Variants in CYP7B1 observed in about 807,000 individuals in gnomAD.
CYP7B1 encodes the protein cytochrome P450 7B1.
Under a neutral mutation model 42.7 loss-of-function variants are expected in CYP7B1, and 29 were observed. That is an observed-to-expected ratio of 0.68 (90% confidence interval 0.51 to 0.93). The LOEUF (loss-of-function observed/expected upper bound fraction) is 0.93. Ranked by LOEUF, CYP7B1 falls within the 40% of genes least tolerant of loss-of-function variation. The pLI, the probability that CYP7B1 is intolerant of heterozygous loss-of-function variation, is 0.00. For synonymous variants in CYP7B1, 235 were observed against 218.2 expected (o/e 1.08, Z -0.68); for missense variants, 655 against 600.5 (o/e 1.09, Z -0.95).
At chr8:64,644,129 C>T (rs546388990) in intron 1 of CYP7B1, among the ~76,000 whole-genome samples, 2 of 152,118 alleles carry the variant, frequency 1.3e-5, no homozygotes, top group Middle Eastern at 3.4e-3. Flanking sequence ...AAAAATTAGC[C>T]GGGTGTGGTG....
chr8:64,766,685 C>G (rs139802093), intron 1 of CYP7B1, among the ~76,000 whole-genome samples: 3,022 of 152,240 alleles, frequency 0.02, 107 homozygotes, highest in African/African-American at 0.067. Flanking sequence ...AAGCCACCCC[C>G]TCGTCCTTGC....
intron 1 of CYP7B1, among the ~76,000 whole-genome samples, chr8:64,757,135 C>G (rs1011155877): frequency 1.3e-5 from 2 of 152,172 alleles, no homozygotes; most frequent in Non-Finnish European, 2.9e-5. Context: ...GTCAACCAAC[C>G]AGCAGAGTGA....
chr8:64,706,231 A>G (rs1806997274), intron 1 of CYP7B1, among the ~76,000 whole-genome samples: 1 of 152,066 alleles, frequency 6.6e-6, no homozygotes, highest in South Asian at 2.1e-4. Flanking sequence ...AGGAAATTTT[A>G]GAGTACAAAG....
chr8:64,720,437 G>A (rs1807219717), intron 1 of CYP7B1, among the ~76,000 whole-genome samples: 1 of 152,146 alleles, frequency 6.6e-6, no homozygotes, highest in Non-Finnish European at 1.5e-5. Context: ...ACTGGTATTA[G>A]CTGAAGCAAA....
intron 2 of CYP7B1, 26 bp from the exon 3 acceptor site, chr8:64,616,307 A>C (rs769526937): frequency 7.2e-7 from 1 of 1,385,982 alleles, no homozygotes; most frequent in Admixed American, 1.9e-5. Context: ...GAGAGAGAAA[A>C]TATGAGTTCG....
intron 1 of CYP7B1, among the ~76,000 whole-genome samples, chr8:64,779,878 C>A (rs933109457): frequency 6.6e-6 from 1 of 152,110 alleles, no homozygotes; most frequent in African/African-American, 2.4e-5. Flanking sequence ...TCTACCTATG[C>A]CAGGAAGCAG....
chr8:64,602,449 T>C (rs992210182), intron 5 of CYP7B1, among the ~76,000 whole-genome samples: 1 of 140,792 alleles, frequency 7.1e-6, no homozygotes, highest in Non-Finnish European at 1.5e-5. Flanking sequence ...TTTTAGAGTC[T>C]TTTGGAGGTT....
intron 1 of CYP7B1, among the ~76,000 whole-genome samples, chr8:64,792,455 T>G (rs911733015): frequency 1.3e-5 from 2 of 152,190 alleles, no homozygotes; most frequent in Non-Finnish European, 2.9e-5. Flanking sequence ...GGACAACTTT[T>G]GCTAGCGGTG....
At chr8:64,689,970 G>A (rs920235380) in intron 1 of CYP7B1, among the ~76,000 whole-genome samples, 3 of 152,078 alleles carry the variant, frequency 2.0e-5, no homozygotes, top group Non-Finnish European at 4.4e-5. Context: ...TTTAAATAAG[G>A]AGAAATATGT....
chr8:64,709,225 T>A (rs1449861309), intron 1 of CYP7B1, among the ~76,000 whole-genome samples: 2 of 152,182 alleles, frequency 1.3e-5, no homozygotes, highest in African/African-American at 4.8e-5. Flanking sequence ...CAAAATATAA[T>A]CAAGCCTGTT....
intron 1 of CYP7B1, among the ~76,000 whole-genome samples, chr8:64,783,146 C>A (rs1406317138): frequency 2.0e-5 from 3 of 152,174 alleles, no homozygotes; most frequent in Non-Finnish European, 4.4e-5. Flanking sequence ...TGTCCACATC[C>A]TTTTCCTATA....
At position 64,595,466 on chromosome 8, in the gene CYP7B1, T is replaced by A. The variant is rs1805103197; in HGVS notation, c.*1176A>T. On this transcript the variant is annotated 3_prime_UTR_variant, in exon 6 of 6. Transcript: ENST00000310193. ...ATATTGCATCATCATTTATATCAGA[T>A]GCCAATCATGTGGTACTCTGATATT... 6.6e-6 allele frequency among the ~76,000 whole-genome samples: 1 copy of A among 152,208 alleles called. No homozygotes were observed. Among genetic ancestry groups the A allele is most frequent in the Non-Finnish European group, 1.5e-5 (1 of 68,042 alleles).
At position 64,604,669 on chromosome 8, in the gene CYP7B1, G is replaced by A. The variant is rs1387712480; in HGVS notation, c.1233+13C>T. 3 of 1,613,700 alleles carry A rather than the reference G, an allele frequency of 1.9e-6. No individual in the cohort carries two copies. In the African/African-American group the frequency reaches 4.0e-5, roughly 22 times the overall value. Reference sequence around the variant, plus strand: ...TCTAAGAAGTAGCAATCATAGGCTTGATGTTTACTTACCTCTGGAGCTTCA... The same window carrying A: ...TCTAAGAAGTAGCAATCATAGGCTTAATGTTTACTTACCTCTGGAGCTTCA... On this transcript the variant is annotated intron_variant, in intron 5 of 5. Coordinates refer to ENST00000310193, the MANE Select transcript of CYP7B1 (RefSeq NM_004820.5).
At chr8:64,769,233 C>A (rs1188680067) in intron 1 of CYP7B1, among the ~76,000 whole-genome samples, 1 of 152,126 alleles carries the variant, frequency 6.6e-6, no homozygotes, top group Non-Finnish European at 1.5e-5. Flanking sequence ...AACGGGATGG[C>A]ACCATGCCTT....
intron 1 of CYP7B1, among the ~76,000 whole-genome samples, chr8:64,652,757 T>C (rs1339404660): frequency 1.3e-5 from 2 of 152,204 alleles, no homozygotes; most frequent in Admixed American, 6.5e-5. Flanking sequence ...GGCAGGAGAA[T>C]GGCGTGAACC....
chr8:64,695,603 C>CTTT (rs35575527), intron 1 of CYP7B1, among the ~76,000 whole-genome samples: 42 of 100,142 alleles, frequency 4.2e-4, no homozygotes, highest in South Asian at 3.9e-3. Context: ...TATCAAATTC[C>CTTT]TTTTTTTTTT....
At chr8:64,702,418 T>G (rs929522753) in intron 1 of CYP7B1, among the ~76,000 whole-genome samples, 1 of 152,124 alleles carries the variant, frequency 6.6e-6, no homozygotes. Flanking sequence ...CATTCATTAC[T>G]GAAAACCTAC....
At chr8:64,656,601 CACCACCATATCCCAAAGT>C (rs1362167127) in intron 1 of CYP7B1, among the ~76,000 whole-genome samples, 2 of 152,216 alleles carry the variant, frequency 1.3e-5, no homozygotes, top group Non-Finnish European at 2.9e-5. Context: ...ATTTCTTATG[CACCACCATATCCCAAAGT>C]ACTAGGTAGA....
chr8:64,668,150 C>T (rs561392624), intron 1 of CYP7B1, among the ~76,000 whole-genome samples: 9 of 152,236 alleles, frequency 5.9e-5, no homozygotes, highest in African/African-American at 2.2e-4. Context: ...ACATGACATG[C>T]CACGTTCTAT....
Sources: allele counts gnomAD v4.1 joint callset (sites outside exome capture counted in the v4.1 genomes callset), GRCh38; gene constraint gnomAD v4.1.1; transcripts MANE v1.5; gene names NCBI Gene and HGNC (gene_info 2026-07-23, HGNC 2026-07-21).